ADH6: variants seen among roughly 807,000 people sequenced by gnomAD.
The protein encoded by ADH6 is alcohol dehydrogenase 6.
ADH6 carries 34 observed loss-of-function variants against 36.5 expected under a neutral mutation model. The ratio of observed to expected loss-of-function variants is 0.93; its 90% confidence interval spans 0.71 to 1.24. The LOEUF (loss-of-function observed/expected upper bound fraction) is 1.24. Ranked by LOEUF, ADH6 falls within the 50% of genes most tolerant of loss-of-function variation. ADH6 has a pLI of 0.00. For missense variants in ADH6, 440 were observed against 447.0 expected, an observed-to-expected ratio of 0.98 and a Z score of 0.14; for synonymous variants, 161 against 155.5, an observed-to-expected ratio of 1.04 and a Z score of -0.26.
At chr4:99,216,396 A>G (rs536313631) in intron 1 of ADH6, 134 bp from the exon 2 acceptor site, 1 of 450,936 alleles carries the variant, frequency 2.2e-6, no homozygotes, top group East Asian at 3.6e-5. Context: ...AAAAAGAATA[A>G]ATATATGCTG....
At chr4:99,208,384 G>C in intron 6 of ADH6, 1 of 268,126 alleles carries the variant, frequency 3.7e-6, no homozygotes, top group Non-Finnish European at 6.9e-6. Flanking sequence ...CATGAAAGAC[G>C]ACTGAAAGTG....
chr4:99,206,828 T>C (rs188010524), intron 7 of ADH6, among the ~76,000 whole-genome samples: 17 of 152,258 alleles, frequency 1.1e-4, no homozygotes, highest in Non-Finnish European at 1.9e-4. Flanking sequence ...AGCAGATTTA[T>C]TTAATTTAGT....
At position 99,210,437 on chromosome 4, in the gene ADH6, C is replaced by T. The variant is rs1731184472; in HGVS notation, c.328G>A (p.Gly110Ser). 1 of 1,612,034 alleles carries T rather than the reference C, an allele frequency of 6.2e-7. No homozygotes were observed. Among genetic ancestry groups the T allele is most frequent in the South Asian group, 1.1e-5 (1 of 90,896 alleles). Reference protein sequence around the residue: ...GECTSCLNSEGNFCIQFKQSK... With the variant: ...GECTSCLNSESNFCIQFKQSK... ...TACTTGAATTGTATACAAAAATTGCCCTCAGAATTCAGGCAAGAGGTACAT... is the reference window on the plus strand; with the variant it reads ...TACTTGAATTGTATACAAAAATTGCTCTCAGAATTCAGGCAAGAGGTACAT... The change falls in exon 4 of 9, where the codon GGC (glycine) becomes AGC (serine). Residue 110 changes from glycine (G) to serine (S), a missense_variant. Gly to Ser is a moderately conservative substitution (Grantham distance 56). Coordinates refer to ENST00000394899, the MANE Select transcript of ADH6 (RefSeq NM_001102470.2).
intron 7 of ADH6, among the ~76,000 whole-genome samples, chr4:99,206,595 T>C (rs1053368924): frequency 4.0e-5 from 6 of 151,776 alleles, no homozygotes; most frequent in African/African-American, 1.5e-4. Flanking sequence ...GGTCCTGCCA[T>C]GTATCTACTC....
intron 7 of ADH6, among the ~76,000 whole-genome samples, chr4:99,206,701 C>T (rs1393793368): frequency 6.6e-6 from 1 of 151,950 alleles, no homozygotes; most frequent in Non-Finnish European, 1.5e-5. Flanking sequence ...GCAAGTAATT[C>T]AGGCACTCCT....
chr4:99,211,602 T>C (rs1183938245), intron 3 of ADH6, among the ~76,000 whole-genome samples: 1 of 152,152 alleles, frequency 6.6e-6, no homozygotes, highest in Non-Finnish European at 1.5e-5. Context: ...TTATGCTACA[T>C]GGCAAGGGGT....
chr4:99,212,567 T>C lies in ADH6; in HGVS notation c.262+1039A>G, dbSNP rs377184779. On this transcript the variant is annotated intron_variant, in intron 3 of 8. Transcript: ENST00000394899. ...TGTGATCACCATGCTGTTCAATAGA[T>C]CTCAAAAAACTTATTTTTCCTATCT... 2.6e-5 allele frequency among the ~76,000 whole-genome samples: 4 copies of C among 152,180 alleles called. No individual in the cohort carries two copies. In the East Asian group the frequency reaches 5.8e-4, roughly 22 times the overall value.
intron 7 of ADH6, among the ~76,000 whole-genome samples, chr4:99,206,327 A>G (rs375482822): frequency 6.6e-6 from 1 of 152,160 alleles, no homozygotes; most frequent in East Asian, 1.9e-4. Context: ...ACTAATTTAC[A>G]TTAATGATCA....
rs1463459882 is a variant in ADH6 at position 99,218,848 on chromosome 4, T to TATATATATAA, written c.18+286_18+287insTTATATATAT. On this transcript the variant is annotated intron_variant, in intron 1 of 8. Coordinates refer to ENST00000394899, the MANE Select transcript of ADH6 (RefSeq NM_001102470.2). ...CTTGTATATTGCTTTATAATTGCTC[T>TATATATATAA]TTTATAATTATTGTCTCTCTGTGAG... Among the ~76,000 whole-genome samples, 416 of 152,342 alleles carry TATATATATAA rather than the reference T, an allele frequency of 2.7e-3. 3 individuals carry two copies. The highest frequency in any genetic ancestry group is 9.6e-3 in the African/African-American group (399 of 41,586).
chr4:99,217,904 A>C (rs897986406), intron 1 of ADH6, among the ~76,000 whole-genome samples: 1 of 152,174 alleles, frequency 6.6e-6, no homozygotes, highest in Non-Finnish European at 1.5e-5. Flanking sequence ...GGAGGCAATC[A>C]TCAAATGGTG....
chr4:99,210,133 T>C lies in ADH6; in HGVS notation c.516A>G (p.Leu172=). The C allele has an allele frequency of 6.2e-7, 1 of 1,613,776 alleles. No individual in the cohort carries two copies. Among genetic ancestry groups the C allele is most frequent in the Non-Finnish European group, 8.5e-7 (1 of 1,179,776 alleles). The change falls in exon 5 of 9, where the codon CTA becomes CTG. Residue 172 remains leucine, a synonymous_variant. Coordinates refer to ENST00000394899, the MANE Select transcript of ADH6 (RefSeq NM_001102470.2). ...DAVAPLEKVC[L]ISCGFSTGFG... ...ACCCAGTGGAAAAGCCACAGCTAAT[T>C]AGGCATACTTTCTCTAGAGGAGCGA...
chr4:99,204,050 T>G lies in ADH6; in HGVS notation c.*169A>C. The G allele has an allele frequency of 1.4e-6, 1 of 716,512 alleles. No individual in the cohort carries two copies. Among genetic ancestry groups the G allele is most frequent in the East Asian group, 3.1e-5 (1 of 32,156 alleles). 44.4% of individuals were successfully genotyped at this position (716,512 alleles called of 1,614,324 possible). On this transcript the variant is annotated 3_prime_UTR_variant, in exon 9 of 9. Coordinates refer to ENST00000394899, the MANE Select transcript of ADH6 (RefSeq NM_001102470.2). Reference sequence around the variant, plus strand: ...ACACTGGGTTACGTAAGAACAATTTTGATGAAATGGTTAGGTCAGAAGCCA... The same window carrying G: ...ACACTGGGTTACGTAAGAACAATTTGGATGAAATGGTTAGGTCAGAAGCCA...
At chr4:99,208,485 T>A (rs1278604458) in intron 6 of ADH6, 183 bp downstream of exon 6, 9 of 537,474 alleles carry the variant, frequency 1.7e-5, no homozygotes, top group Non-Finnish European at 2.8e-5. Flanking sequence ...AAGTTCTAGA[T>A]TTAGTATCTG....
intron 7 of ADH6, among the ~76,000 whole-genome samples, chr4:99,206,414 A>G (rs1474640774): frequency 6.6e-6 from 1 of 152,110 alleles, no homozygotes; most frequent in Admixed American, 6.6e-5. Context: ...TCTTATTTTT[A>G]TAAGACTTAG....
chr4:99,211,912 TTGAA>T (rs1252058489), intron 3 of ADH6, among the ~76,000 whole-genome samples: 1 of 152,092 alleles, frequency 6.6e-6, no homozygotes, highest in African/African-American at 2.4e-5. Flanking sequence ...TGAAAACTAC[TTGAA>T]TGAACTTGGA....
At chr4:99,205,721 C>T (rs1265226015) in intron 7 of ADH6, among the ~76,000 whole-genome samples, 1 of 152,076 alleles carries the variant, frequency 6.6e-6, no homozygotes, top group Non-Finnish European at 1.5e-5. Context: ...TGCTAAGTGC[C>T]ACGCTCAGTG....
rs746259104 is a variant in ADH6 at position 99,203,116 on chromosome 4, C to T, written c.*1103G>A. 46 of 225,930 alleles carry T rather than the reference C, an allele frequency of 2.0e-4. No individual in the cohort carries two copies. Among genetic ancestry groups the T allele is most frequent in the Non-Finnish European group, 3.2e-4 (37 of 116,446 alleles). 14.0% of individuals were successfully genotyped at this position (225,930 alleles called of 1,614,324 possible). A position where few individuals can be genotyped will look rare whatever the true frequency, so the allele number is the denominator to read the frequency against. On this transcript the variant is annotated 3_prime_UTR_variant, in exon 9 of 9. Coordinates refer to ENST00000394899, the MANE Select transcript of ADH6 (RefSeq NM_001102470.2). Reference sequence around the variant, plus strand: ...AAAAAATGATATTCCATTTTTTGGTCTCCCAAGGTCATCCAAAGTTTACTG... The same window carrying T: ...AAAAAATGATATTCCATTTTTTGGTTTCCCAAGGTCATCCAAAGTTTACTG...
At chr4:99,218,211 C>T (rs1303406537) in intron 1 of ADH6, among the ~76,000 whole-genome samples, 1 of 152,140 alleles carries the variant, frequency 6.6e-6, no homozygotes. Flanking sequence ...TTCCACCACG[C>T]TCTAGTGGAC....
At chr4:99,206,093 C>T (rs1348105737) in intron 7 of ADH6, among the ~76,000 whole-genome samples, 1 of 152,032 alleles carries the variant, frequency 6.6e-6, no homozygotes, top group Non-Finnish European at 1.5e-5. Context: ...TGTCAACCCT[C>T]CACTTTTTTT....
Sources: gnomAD v4.1 joint callset for allele counts (sites outside exome capture counted in the v4.1 genomes callset) on GRCh38, gnomAD v4.1.1 for gene constraint, MANE v1.5 for transcripts, NCBI Gene and HGNC (gene_info 2026-07-23, HGNC 2026-07-21) for gene names.